ECM2: variants seen among roughly 807,000 people sequenced by gnomAD.
ECM2 encodes the protein extracellular matrix protein 2, also known as extracellular matrix protein 2, female organ and adipocyte specific.
Under a neutral mutation model 67.5 loss-of-function variants are expected in ECM2, and 57 were observed. The ratio of observed to expected loss-of-function variants is 0.84; its 90% CI spans 0.68 to 1.05. ECM2 has a LOEUF of 1.05. Among genes scored for constraint, ECM2 ranks in the 50% least tolerant of loss-of-function variants. The probability of loss-of-function intolerance (pLI) is 0.00; values close to 1 mark genes in which losing one functional copy is unlikely to be tolerated. For missense variants in ECM2, 741 were observed against 822.8 expected, an observed-to-expected ratio of 0.90 and a Z score of 1.22; for synonymous variants, 258 against 294.5, an observed-to-expected ratio of 0.88 and a Z score of 1.27.
chr9:92,495,624 G>A lies in ECM2; in HGVS notation c.*691C>T, dbSNP rs41278703. On this transcript the variant is annotated 3_prime_UTR_variant, in exon 10 of 10. Coordinates refer to ENST00000344604, the MANE Select transcript of ECM2 (RefSeq NM_001393.4). ...TGTTTAACTTTAAAAAATAATTTTA[G>A]AATTATAGAAAAGTTTCAAAAAGAG... 5.3e-3 allele frequency: 5,062 copies of A among 949,602 alleles called. 14 individuals are homozygous for A. The highest frequency in any genetic ancestry group is 6.0e-3 in the Non-Finnish European group (4,751 of 797,410). 58.8% of individuals were successfully genotyped at this position (949,602 alleles called of 1,614,324 possible).
At chr9:92,513,240 G>A (rs1224600364) in intron 4 of ECM2, among the ~76,000 whole-genome samples, 2 of 152,080 alleles carry the variant, frequency 1.3e-5, no homozygotes, top group African/African-American at 2.4e-5. Flanking sequence ...TGGAAACATG[G>A]GCAGAAGGTC....
chr9:92,529,774 A>C (rs1848635279), intron 1 of ECM2, among the ~76,000 whole-genome samples: 1 of 152,188 alleles, frequency 6.6e-6, no homozygotes, highest in Admixed American at 6.6e-5. Flanking sequence ...TATGCAAGCT[A>C]TAAAAGAATA....
intron 9 of ECM2, among the ~76,000 whole-genome samples, chr9:92,500,434 T>G (rs1023274125): frequency 2.6e-5 from 4 of 152,216 alleles, no homozygotes; most frequent in Non-Finnish European, 5.9e-5. Context: ...CCGCCCGCCT[T>G]GGCGTCCCAA....
upstream of ECM2, among the ~76,000 whole-genome samples, chr9:92,539,859 A>G (rs1263648771): frequency 6.6e-6 from 1 of 152,188 alleles, no homozygotes; most frequent in Admixed American, 6.5e-5. Context: ...CTATTGATGG[A>G]CATTTGGGTT....
chr9:92,550,878 C>T, the ECM2 span, among the ~76,000 whole-genome samples: 4 of 152,090 alleles, frequency 2.6e-5, no homozygotes, highest in Non-Finnish European at 4.4e-5. Context: ...GTACACAGCC[C>T]GCCACACTTT....
upstream of ECM2, among the ~76,000 whole-genome samples, chr9:92,538,111 T>A (rs573571309): frequency 6.6e-6 from 1 of 152,160 alleles, no homozygotes; most frequent in African/African-American, 2.4e-5. Context: ...AACACCTCTT[T>A]CTGTACAAAA....
chr9:92,523,606 C>T (rs1461619475), intron 1 of ECM2, among the ~76,000 whole-genome samples: 1 of 152,104 alleles, frequency 6.6e-6, no homozygotes, highest in Non-Finnish European at 1.5e-5. Flanking sequence ...ATGTTTAGGG[C>T]GAAACAGTGA....
At chr9:92,513,939 A>C (rs1473183944) in intron 4 of ECM2, among the ~76,000 whole-genome samples, 1 of 152,234 alleles carries the variant, frequency 6.6e-6, no homozygotes, top group African/African-American at 2.4e-5. Context: ...ATTTTTAAGA[A>C]ACATCAGTAG....
rs1563990161 is a variant in ECM2 at position 92,532,015 on chromosome 9, G to GTTTTTTTTGTT, written c.-28+3917_-28+3918insAACAAAAAAAA. 1.0e-4 allele frequency among the ~76,000 whole-genome samples: 10 copies of GTTTTTTTTGTT among 95,732 alleles called. 1 individual carries two copies. Among genetic ancestry groups the GTTTTTTTTGTT allele is most frequent in the Non-Finnish European group, 1.7e-4 (9 of 51,438 alleles). The allele number at this position is 95,732 out of a possible 152,430, so 62.8% of individuals were successfully genotyped here. On this transcript the variant is annotated intron_variant, in intron 1 of 9. Transcript: ENST00000344604. ...TTTTCTTTTTCTTTTTTTATTTAAT[G>GTTTTTTTTGTT]TTTTTTTTTTTTTATTTTATTTTTT...
At chr9:92,527,408 G>A (rs999144733) in intron 1 of ECM2, among the ~76,000 whole-genome samples, 4 of 152,176 alleles carry the variant, frequency 2.6e-5, no homozygotes, top group African/African-American at 7.2e-5. Flanking sequence ...AGGAGCAATA[G>A]GCTCTACCAT....
In ECM2 at chr9:92,527,979, T is replaced by C. The variant is rs185707936; in HGVS notation, c.-27-5086A>G. On this transcript the variant is annotated intron_variant, in intron 1 of 9. Coordinates refer to ENST00000344604, the MANE Select transcript of ECM2 (RefSeq NM_001393.4). ...ACCAGAGTGGCTCCATGAAGTAGAA[T>C]GATACTCTAGGAAGCGACCATGATG... 4.5e-3 allele frequency: 691 copies of C among 153,876 alleles called. 7 individuals are homozygous for C. The highest frequency in any genetic ancestry group is 5.0e-3 in the Admixed American group (77 of 15,274). The allele number at this position is 153,876 out of a possible 1,614,324, so 9.5% of individuals were successfully genotyped here. A position where few individuals can be genotyped will look rare whatever the true frequency, so the allele number is the denominator to read the frequency against.
the ECM2 span, among the ~76,000 whole-genome samples, chr9:92,546,973 G>A: frequency 1.3e-5 from 2 of 152,110 alleles, no homozygotes; most frequent in East Asian, 1.9e-4. Context: ...AACTGACAGG[G>A]ACGTCAGAAG....
At chr9:92,541,291 A>G (rs1222878119), upstream of ECM2, among the ~76,000 whole-genome samples, 1 of 151,910 alleles carries the variant, frequency 6.6e-6, no homozygotes. Context: ...ATCATCTCAA[A>G]TACTATTTAT....
At chr9:92,539,335 C>T (rs1849262419), upstream of ECM2, among the ~76,000 whole-genome samples, 1 of 150,258 alleles carries the variant, frequency 6.7e-6, no homozygotes, top group Admixed American at 6.6e-5. Context: ...TTTCTCCCGC[C>T]TTCCCCCGCT....
At chr9:92,543,078 T>C in the ECM2 span, among the ~76,000 whole-genome samples, 10 of 152,334 alleles carry the variant, frequency 6.6e-5, no homozygotes, top group East Asian at 1.9e-3. Context: ...TTGGTCTCTG[T>C]CAGTTTTTAT....
At chr9:92,528,856 C>T (rs532981102) in intron 1 of ECM2, among the ~76,000 whole-genome samples, 1 of 152,206 alleles carries the variant, frequency 6.6e-6, no homozygotes, top group African/African-American at 2.4e-5. Flanking sequence ...CACAAAGAAA[C>T]AGGAAAAGTT....
intron 1 of ECM2, among the ~76,000 whole-genome samples, chr9:92,529,082 A>G (rs1326385311): frequency 2.6e-5 from 4 of 152,246 alleles, no homozygotes; most frequent in Admixed American, 2.6e-4. Flanking sequence ...AGAGAGAAAA[A>G]ATACATGACA....
intron 6 of ECM2, among the ~76,000 whole-genome samples, chr9:92,506,745 A>G (rs2131173736): frequency 6.6e-6 from 1 of 152,284 alleles, no homozygotes; most frequent in Admixed American, 6.5e-5. Flanking sequence ...AGTAGGAGGA[A>G]CTTCCAAGCT....
intron 9 of ECM2, 27 bp from the exon 10 acceptor site, chr9:92,496,510 C>T: frequency 6.3e-7 from 1 of 1,595,442 alleles, no homozygotes; most frequent in African/African-American, 1.4e-5. Flanking sequence ...ATGCAAGTCA[C>T]ACATGGTCCC....
Sources: gnomAD v4.1 joint callset for allele counts (sites outside exome capture counted in the v4.1 genomes callset) on GRCh38, gnomAD v4.1.1 for gene constraint, MANE v1.5 for transcripts, NCBI Gene and HGNC (gene_info 2026-07-23, HGNC 2026-07-21) for gene names.